CNTN5: variants seen among roughly 807,000 people sequenced by gnomAD.
CNTN5 encodes contactin 5, also known as contactin-5.
Under a neutral mutation model 129.1 loss-of-function variants are expected in CNTN5, and 77 were observed. That is an observed-to-expected ratio of 0.60 (90% CI 0.50 to 0.72). The LOEUF (loss-of-function observed/expected upper bound fraction) is 0.72. Among genes scored for constraint, CNTN5 ranks in the 30% least tolerant of loss-of-function variants. CNTN5 has a pLI of 0.00. For synonymous variants in CNTN5, 509 were observed against 465.6 expected, an observed-to-expected ratio of 1.09 and a Z score of -1.20; for missense variants, 1,478 against 1,328.8, an observed-to-expected ratio of 1.11 and a Z score of -1.75.
intron 21 of CNTN5, among the ~76,000 whole-genome samples, chr11:100,318,133 CGGTA>C (rs1201677545): frequency 1.4e-5 from 2 of 147,230 alleles, no homozygotes; most frequent in Admixed American, 6.9e-5. Flanking sequence ...CCCAGCTACT[CGGTA>C]GGCTGAGGCA....
intron 16 of CNTN5, among the ~76,000 whole-genome samples, chr11:100,240,219 A>ACCCCCC (rs1468030423): frequency 1.3e-5 from 2 of 149,702 alleles, no homozygotes; most frequent in African/African-American, 5.1e-5. Context: ...AATTATCAAC[A>ACCCCCC]CCCCGCCCCA....
chr11:99,220,007 CACAGAGAAAATGGCAAT>C (rs776085535), intron 1 of CNTN5, among the ~76,000 whole-genome samples: 2 of 151,966 alleles, frequency 1.3e-5, no homozygotes, highest in Non-Finnish European at 2.9e-5. Context: ...GAGATAGGAA[CACAGAGAAAATGGCAAT>C]ACATAGATCT....
At chr11:99,417,884 T>G (rs919967472) in intron 2 of CNTN5, among the ~76,000 whole-genome samples, 7 of 152,260 alleles carry the variant, frequency 4.6e-5, no homozygotes, top group African/African-American at 1.7e-4. Flanking sequence ...TTGAGTGCAA[T>G]GAGATGTATT....
chr11:99,422,392 T>C (rs1388910455), intron 2 of CNTN5, among the ~76,000 whole-genome samples: 3 of 151,382 alleles, frequency 2.0e-5, no homozygotes, highest in Non-Finnish European at 4.4e-5. Context: ...ATACACATTA[T>C]ATCAGGGGAA....
At chr11:99,374,151 C>A (rs1940009050) in intron 2 of CNTN5, among the ~76,000 whole-genome samples, 1 of 152,184 alleles carries the variant, frequency 6.6e-6, no homozygotes, top group African/African-American at 2.4e-5. Flanking sequence ...TTAATAGACT[C>A]TAATTCTTTT....
chr11:99,855,144 A>G lies in CNTN5; in HGVS notation c.577+9882A>G, dbSNP rs549315469. 2.1e-4 allele frequency among the ~76,000 whole-genome samples: 32 copies of G among 152,178 alleles called. No homozygotes were observed. The East Asian group carries it at 6.2e-3, about 29-fold the overall frequency. ...GGCAATATGGCAAGCCCTCATCTCT[A>G]CCAAAAGTACAAAAATCAGCCAGAC... On this transcript the variant is annotated intron_variant, in intron 6 of 24. Coordinates refer to ENST00000524871, the MANE Select transcript of CNTN5 (RefSeq NM_014361.4).
intron 3 of CNTN5, among the ~76,000 whole-genome samples, chr11:99,596,922 GTAT>G (rs1483723582): frequency 6.6e-6 from 1 of 151,988 alleles, no homozygotes; most frequent in Non-Finnish European, 1.5e-5. Context: ...ACCTGTTCTG[GTAT>G]TATTATTATT....
intron 3 of CNTN5, among the ~76,000 whole-genome samples, chr11:99,801,095 C>T (rs1946100231): frequency 6.6e-6 from 1 of 152,126 alleles, no homozygotes; most frequent in Non-Finnish European, 1.5e-5. Context: ...CGTGTTATTA[C>T]TACCGTAAGA....
intron 6 of CNTN5, among the ~76,000 whole-genome samples, chr11:99,888,518 A>C (rs528461234): frequency 6.0e-4 from 91 of 152,312 alleles, no homozygotes; most frequent in African/African-American, 1.9e-3. Flanking sequence ...CTATGGTACT[A>C]GTGACAACAT....
chr11:99,227,583 T>C (rs1202397787), intron 1 of CNTN5, among the ~76,000 whole-genome samples: 1 of 152,182 alleles, frequency 6.6e-6, no homozygotes, highest in Non-Finnish European at 1.5e-5. Context: ...TGAACAATTT[T>C]ATATACTCTT....
At chr11:100,350,634 A>G in intron 23 of CNTN5, 68 bp from the exon 24 acceptor site, 3 of 1,192,088 alleles carry the variant, frequency 2.5e-6, no homozygotes, top group Non-Finnish European at 3.6e-6. Context: ...AATGTGACAC[A>G]TAGTAGGCAG....
At chr11:99,660,997 G>C (rs1327666622) in intron 3 of CNTN5, among the ~76,000 whole-genome samples, 2 of 151,746 alleles carry the variant, frequency 1.3e-5, no homozygotes, top group Non-Finnish European at 2.9e-5. Context: ...ATTCTTCCTT[G>C]GCAAAAAATG....
chr11:99,860,346 T>A (rs1948167563), intron 6 of CNTN5, among the ~76,000 whole-genome samples: 1 of 152,142 alleles, frequency 6.6e-6, no homozygotes, highest in Non-Finnish European at 1.5e-5. Flanking sequence ...TATGTTGCAT[T>A]TGCTTTTGAG....
chr11:100,340,568 T>A lies in CNTN5; in HGVS notation c.2836T>A (p.Tyr946Asn). The A allele has an allele frequency of 6.2e-7, 1 of 1,613,256 alleles. No homozygotes were observed. Among genetic ancestry groups the A allele is most frequent in the Non-Finnish European group, 8.5e-7 (1 of 1,179,436 alleles). Residue 946 changes from tyrosine to asparagine, a missense_variant, in exon 22 of 25, where the codon TAT becomes AAT. Tyr to Asn is a moderately radical substitution (Grantham distance 143, BLOSUM62 -2). Coordinates refer to ENST00000524871, the MANE Select transcript of CNTN5 (RefSeq NM_014361.4). ...ILTGLEGNTL[Y>N]HFTVRAYNGA... ...AACAGGATTAGAAGGAAATACGTTA[T>A]ATCACTTCACAGTGAGGGCTTACAA...
intron 6 of CNTN5, among the ~76,000 whole-genome samples, chr11:99,881,723 G>A (rs1181885126): frequency 6.6e-6 from 1 of 152,174 alleles, no homozygotes; most frequent in African/African-American, 2.4e-5. Flanking sequence ...TTTTTTACTG[G>A]TACAGAAGCT....
chr11:99,723,992 A>G (rs956526082), intron 3 of CNTN5, among the ~76,000 whole-genome samples: 1 of 152,088 alleles, frequency 6.6e-6, no homozygotes, highest in African/African-American at 2.4e-5. Flanking sequence ...TATTCATTCT[A>G]CTAGTCTGAA....
intron 3 of CNTN5, among the ~76,000 whole-genome samples, chr11:99,731,589 A>G (rs1943536952): frequency 1.3e-5 from 2 of 152,188 alleles, no homozygotes; most frequent in African/African-American, 4.8e-5. Flanking sequence ...ATATTTTTTT[A>G]ACATACAGAG....
At chr11:99,721,699 C>G (rs958880255) in intron 3 of CNTN5, among the ~76,000 whole-genome samples, 1 of 152,074 alleles carries the variant, frequency 6.6e-6, no homozygotes, top group African/African-American at 2.4e-5. Flanking sequence ...AATAGACAAC[C>G]TACAGAATGG....
At chr11:100,342,750 T>C (rs1296898856) in intron 23 of CNTN5, among the ~76,000 whole-genome samples, 2 of 152,184 alleles carry the variant, frequency 1.3e-5, no homozygotes, top group Admixed American at 6.6e-5. Flanking sequence ...TTGGCCCAGA[T>C]AGAAATGTCT....
Sources: gnomAD v4.1 joint callset for allele counts (sites outside exome capture counted in the v4.1 genomes callset) on GRCh38, gnomAD v4.1.1 for gene constraint, MANE v1.5 for transcripts, NCBI Gene and HGNC (gene_info 2026-07-23, HGNC 2026-07-21) for gene names.